Variants in CDH18 observed in about 807,000 individuals in gnomAD.
The protein encoded by CDH18 is cadherin 18, also known as cadherin-18.
A neutral mutation model predicts 67.9 loss-of-function variants in CDH18; 31 were observed. The observed-to-expected ratio is 0.46, with a 90% CI of 0.34 to 0.62. The LOEUF (loss-of-function observed/expected upper bound fraction) is 0.62, where lower values mean the gene tolerates loss of function less well. Among genes scored for constraint, CDH18 ranks in the 20% least tolerant of loss-of-function variants. CDH18 has a pLI of 0.01. For synonymous variants in CDH18, 362 were observed against 347.2 expected (o/e 1.04, Z -0.48); for missense variants, 890 against 975.5 (o/e 0.91, Z 1.17).
At chr5:20,337,923 G>T (rs1739923682) in intron 1 of CDH18, among the ~76,000 whole-genome samples, 1 of 152,210 alleles carries the variant, frequency 6.6e-6, no homozygotes, top group Non-Finnish European at 1.5e-5. Flanking sequence ...TCACAATCAT[G>T]GTTGAAGGCA....
rs191653541 is a variant in CDH18, at chr5:20,552,618, T to G, written c.-580+22844A>C. Among the ~76,000 whole-genome samples the G allele has an allele frequency of 2.4e-3, 371 of 152,316 alleles. 4 individuals are homozygous for G. The highest frequency in any genetic ancestry group is 0.015 in the South Asian group (73 of 4,830). The stretch of plus-strand genomic sequence containing the variant: ...CAGGGTTTCAAATACTTCAAAAAAG[T>G]TATAAACTCAGATTAAATAGATACA... On this transcript the variant is annotated intron_variant, in intron 1 of 14. Coordinates refer to the CDH18 transcript ENST00000507958.
chr5:20,273,223 G>A (rs1745565561), intron 1 of CDH18, among the ~76,000 whole-genome samples: 1 of 152,054 alleles, frequency 6.6e-6, no homozygotes, highest in East Asian at 1.9e-4. Context: ...GAAATATCGG[G>A]ACCTAGCATA....
chr5:20,147,401 A>T (rs1750731157), intron 2 of CDH18, among the ~76,000 whole-genome samples: 1 of 152,198 alleles, frequency 6.6e-6, no homozygotes, highest in African/African-American at 2.4e-5. Flanking sequence ...CAGAAGCATT[A>T]TTAGACTGCA....
chr5:19,800,805 G>A lies in CDH18; in HGVS notation c.228+37954C>T, dbSNP rs114940933. On this transcript the variant is annotated intron_variant, in intron 3 of 12. Coordinates refer to ENST00000382275, the MANE Select transcript of CDH18 (RefSeq NM_004934.5). Reference sequence around the variant, plus strand: ...AGTAGAAAATGGTAGGAAAAAAAATGGAGAGTACTTCTGTACTATTTTATT... The same window carrying A: ...AGTAGAAAATGGTAGGAAAAAAAATAGAGAGTACTTCTGTACTATTTTATT... 3.9e-3 allele frequency among the ~76,000 whole-genome samples: 595 copies of A among 152,272 alleles called. 4 individuals are homozygous for A. Among genetic ancestry groups the A allele is most frequent in the African/African-American group, 0.014 (566 of 41,554 alleles).
At chr5:20,554,099 T>C (rs1757780740) in intron 1 of CDH18, among the ~76,000 whole-genome samples, 1 of 152,208 alleles carries the variant, frequency 6.6e-6, no homozygotes, top group African/African-American at 2.4e-5. Flanking sequence ...TACTATTTTC[T>C]CTTCTACTTC....
intron 3 of CDH18, among the ~76,000 whole-genome samples, chr5:19,757,295 A>G (rs1771736249): frequency 6.6e-6 from 1 of 152,160 alleles, no homozygotes; most frequent in African/African-American, 2.4e-5. Flanking sequence ...TGACCTTTCC[A>G]TGATGGAGGA....
intron 1 of CDH18, among the ~76,000 whole-genome samples, chr5:20,555,593 T>C (rs935681480): frequency 6.6e-6 from 1 of 151,878 alleles, no homozygotes; most frequent in African/African-American, 2.4e-5. Context: ...TACAGGCACA[T>C]GCCACCACAC....
chr5:19,936,168 A>G (rs1462744423), intron 2 of CDH18, among the ~76,000 whole-genome samples: 3 of 151,238 alleles, frequency 2.0e-5, no homozygotes, highest in African/African-American at 4.8e-5. Context: ...ATTGATTCCA[A>G]TGTATTTTAA....
chr5:19,903,125 A>G (rs1790123623), intron 2 of CDH18, among the ~76,000 whole-genome samples: 1 of 152,026 alleles, frequency 6.6e-6, no homozygotes, highest in Non-Finnish European at 1.5e-5. Flanking sequence ...AAACTTGTAC[A>G]AAACTTAGAC....
intron 3 of CDH18, among the ~76,000 whole-genome samples, chr5:19,824,069 A>T (rs960270273): frequency 2.2e-4 from 33 of 152,342 alleles, no homozygotes; most frequent in Middle Eastern, 3.4e-3. Context: ...AGAATCCCAA[A>T]ACTAACAGAA....
chr5:19,768,896 T>G (rs1254573087), intron 3 of CDH18, among the ~76,000 whole-genome samples: 1 of 151,302 alleles, frequency 6.6e-6, no homozygotes, highest in African/African-American at 2.4e-5. Context: ...CTAACATATC[T>G]GAAAAAGAAA....
intron 1 of CDH18, among the ~76,000 whole-genome samples, chr5:20,456,174 TGTA>T (rs1295182279): frequency 6.6e-6 from 1 of 152,104 alleles, no homozygotes; most frequent in Non-Finnish European, 1.5e-5. Flanking sequence ...AAGCTATGTA[TGTA>T]GACTCACGAC....
chr5:20,118,274 A>G lies in CDH18; in HGVS notation c.-517-126260T>C, dbSNP rs528210386. On this transcript the variant is annotated intron_variant, in intron 2 of 14. Transcript: ENST00000507958. ...GATAGTATTCAGGTTTCTGTTTAAG[A>G]GGTAACTTTTAAAAATAGGAAGTTC... Among the ~76,000 whole-genome samples, 36 of 152,282 alleles carry G rather than the reference A, an allele frequency of 2.4e-4. No homozygotes were observed. The South Asian group carries it at 6.6e-3, about 28-fold the overall frequency.
chr5:19,694,705 T>G lies in CDH18; in HGVS notation c.643+26642A>C, dbSNP rs1173428851. 3.9e-5 allele frequency among the ~76,000 whole-genome samples: 6 copies of G among 151,938 alleles called. No homozygotes were observed. In the East Asian group the frequency reaches 1.2e-3, roughly 30 times the overall value. Reference sequence around the variant, plus strand: ...TGTGTGTTTATTTTTTTGTTCCTATTGTCTCCTGGAGTTTCCAGCACTTTG... The same window carrying G: ...TGTGTGTTTATTTTTTTGTTCCTATGGTCTCCTGGAGTTTCCAGCACTTTG... On this transcript the variant is annotated intron_variant, in intron 5 of 12. Transcript: ENST00000382275.
At chr5:19,932,132 C>G (rs1316007840) in intron 2 of CDH18, among the ~76,000 whole-genome samples, 2 of 151,690 alleles carry the variant, frequency 1.3e-5, no homozygotes, top group East Asian at 3.9e-4. Context: ...ACTGTAGATT[C>G]CATATGTGGC....
At chr5:19,729,303 A>C (rs1218222814) in intron 4 of CDH18, among the ~76,000 whole-genome samples, 1 of 152,244 alleles carries the variant, frequency 6.6e-6, no homozygotes, top group Non-Finnish European at 1.5e-5. Flanking sequence ...AGTTAACAAT[A>C]ATCTATTGAG....
At chr5:19,986,239 G>T (rs1799542426) in intron 1 of CDH18, among the ~76,000 whole-genome samples, 1 of 152,170 alleles carries the variant, frequency 6.6e-6, no homozygotes, top group Non-Finnish European at 1.5e-5. Flanking sequence ...ACAATGTATG[G>T]ACTTCATTCT....
intron 5 of CDH18, among the ~76,000 whole-genome samples, chr5:19,624,090 C>T (rs1751133922): frequency 6.6e-6 from 1 of 151,340 alleles, no homozygotes; most frequent in Admixed American, 6.6e-5. Context: ...TCACTGCAAA[C>T]TCTGTCTGCT....
At chr5:20,081,133 T>C (rs1744433635) in intron 2 of CDH18, among the ~76,000 whole-genome samples, 2 of 143,060 alleles carry the variant, frequency 1.4e-5, no homozygotes, top group African/African-American at 2.6e-5. Context: ...CTGATTAGCA[T>C]AGGATAATGA....
Sources: allele counts gnomAD v4.1 joint callset (sites outside exome capture counted in the v4.1 genomes callset), GRCh38; gene constraint gnomAD v4.1.1; transcripts MANE v1.5; gene names NCBI Gene and HGNC (gene_info 2026-07-23, HGNC 2026-07-21).